Variants in C11orf65 observed in about 807,000 individuals in gnomAD.
C11orf65 encodes chromosome 11 open reading frame 65, also known as protein MFI.
A neutral mutation model predicts 35.3 loss-of-function variants in C11orf65; 38 were observed. The observed-to-expected ratio is 1.08, with a 90% CI of 0.83 to 1.41. The LOEUF (loss-of-function observed/expected upper bound fraction) is 1.41, where lower values mean the gene tolerates loss of function less well. Ranked by LOEUF, C11orf65 falls within the 40% of genes most tolerant of loss-of-function variation. C11orf65 has a pLI of 0.00. For synonymous variants in C11orf65, 105 were observed against 114.4 expected, an observed-to-expected ratio of 0.92 and a Z score of 0.53; for missense variants, 370 against 367.1, an observed-to-expected ratio of 1.01 and a Z score of -0.06.
At chr11:108,427,089 G>A (rs1318491213) in intron 3 of C11orf65, among the ~76,000 whole-genome samples, 1 of 152,078 alleles carries the variant, frequency 6.6e-6, no homozygotes, top group Admixed American at 6.6e-5. Context: ...AAAAATCCTA[G>A]AAGAAAACCT....
intron 2 of C11orf65, among the ~76,000 whole-genome samples, chr11:108,346,902 GACTTCTCATTTT>G (rs754726026): frequency 1.3e-5 from 2 of 152,054 alleles, no homozygotes; most frequent in Non-Finnish European, 2.9e-5. Context: ...TTTATCCATA[GACTTCTCATTTT>G]ATAAGTATGT....
At chr11:108,409,182 T>C (rs538346759) in intron 3 of C11orf65, among the ~76,000 whole-genome samples, 4 of 152,302 alleles carry the variant, frequency 2.6e-5, no homozygotes, top group South Asian at 2.1e-4. Flanking sequence ...CAGCAGTTAG[T>C]TCTTTTTCAC....
intron 2 of C11orf65, chr11:108,340,336 T>G (rs1394252229): frequency 2.0e-5 from 3 of 152,208 alleles, no homozygotes; most frequent in Non-Finnish European, 4.4e-5. Context: ...GTCATATCAT[T>G]TCATCTGTAA....
chr11:108,359,806 G>C (rs1275101540), intron 2 of C11orf65, among the ~76,000 whole-genome samples: 1 of 152,120 alleles, frequency 6.6e-6, no homozygotes, highest in Admixed American at 6.5e-5. Context: ...AGTGTGTAGA[G>C]GGAAATTTAT....
At position 108,316,068 on chromosome 11, in the gene C11orf65, C is replaced by T. The variant is rs876658452; in HGVS notation, c.641-6997G>A. 1.9e-5 allele frequency: 30 copies of T among 1,613,932 alleles called. No individual in the cohort carries two copies. The highest frequency in any genetic ancestry group is 2.4e-5 in the Non-Finnish European group (28 of 1,180,002). Reference sequence around the variant, plus strand: ...GCAAAGCCCTAGTAACATATGACCTCGAAACAGCAATCCCCTCATCAACAC... The same window carrying T: ...GCAAAGCCCTAGTAACATATGACCTTGAAACAGCAATCCCCTCATCAACAC... On this transcript the variant is annotated intron_variant, in intron 6 of 6. Coordinates refer to the C11orf65 transcript ENST00000525729.
At chr11:108,311,470 A>T (rs554289033) in intron 6 of C11orf65, among the ~76,000 whole-genome samples, 49 of 152,132 alleles carry the variant, frequency 3.2e-4, no homozygotes, top group Admixed American at 2.0e-3. Context: ...CCAAAGTGAG[A>T]GGATTACTTG....
intron 6 of C11orf65, among the ~76,000 whole-genome samples, chr11:108,324,548 T>C (rs529045795): frequency 2.0e-5 from 3 of 152,116 alleles, no homozygotes; most frequent in African/African-American, 4.8e-5. Flanking sequence ...TGAGACCTGC[T>C]GTGGTAGGGT....
At chr11:108,336,141 TAAAAA>T (rs374306537) in intron 2 of C11orf65, 3 of 441,042 alleles carry the variant, frequency 6.8e-6, no homozygotes, top group East Asian at 8.2e-5. Context: ...GACAAAAAGT[TAAAAA>T]AAAAAAAAAA....
intron 2 of C11orf65, chr11:108,347,160 TA>T: frequency 1.2e-6 from 1 of 834,566 alleles, no homozygotes; most frequent in Non-Finnish European, 2.0e-6. Context: ...TTAAGTAGGC[TA>T]AAAATCCTAA....
intron 6 of C11orf65, among the ~76,000 whole-genome samples, chr11:108,310,716 T>C (rs1382923918): frequency 6.6e-6 from 1 of 152,174 alleles, no homozygotes; most frequent in African/African-American, 2.4e-5. Flanking sequence ...AAGATTCATT[T>C]TGGATATAAA....
rs559579916 is a variant in C11orf65, at chr11:108,376,377, G to A, written c.226+16831C>T. Among the ~76,000 whole-genome samples the A allele has an allele frequency of 2.5e-3, 383 of 152,160 alleles. 2 individuals carry two copies. The highest frequency in any genetic ancestry group is 8.0e-3 in the African/African-American group (331 of 41,542). On this transcript the variant is annotated intron_variant, in intron 2 of 3. Transcript: ENST00000524755. ...GAAACTGAACAACCTGCTCCTGAAT[G>A]GGTACAGTACATAACGAAATGAAGG...
chr11:108,360,011 G>A (rs1301606349), intron 2 of C11orf65, among the ~76,000 whole-genome samples: 1 of 151,794 alleles, frequency 6.6e-6, no homozygotes, highest in South Asian at 2.1e-4. Flanking sequence ...TCCAGGAGCT[G>A]GTTTTTTGAA....
At chr11:108,324,514 T>G (rs1270555324) in intron 6 of C11orf65, among the ~76,000 whole-genome samples, 1 of 152,160 alleles carries the variant, frequency 6.6e-6, no homozygotes, top group East Asian at 1.9e-4. Flanking sequence ...TTTGTTTGAT[T>G]GTAAAGGAGT....
At chr11:108,381,435 A>G (rs2091863039), downstream of C11orf65, among the ~76,000 whole-genome samples, 1 of 152,216 alleles carries the variant, frequency 6.6e-6, no homozygotes, top group African/African-American at 2.4e-5. Flanking sequence ...TCATGCTGGT[A>G]GATAAATATC....
chr11:108,397,870 C>T (rs1315841766), intron 6 of C11orf65, among the ~76,000 whole-genome samples: 3 of 152,176 alleles, frequency 2.0e-5, no homozygotes, highest in Non-Finnish European at 4.4e-5. Context: ...AGAGTCTCTG[C>T]TCTGTAGGGA....
chr11:108,390,086 C>T (rs566334203), intron 7 of C11orf65, among the ~76,000 whole-genome samples: 14 of 151,978 alleles, frequency 9.2e-5, no homozygotes, highest in Admixed American at 5.9e-4. Flanking sequence ...TGCAGTGGCG[C>T]GATGTCAGCT....
Position 108,452,463 on chromosome 11 carries a change from C to T in C11orf65, c.81+9016G>A, listed in dbSNP as rs1317699889. On this transcript the variant is annotated intron_variant, in intron 2 of 8. Transcript: ENST00000393084. ...AACCACAATGAGATACCATCTCACA[C>T]CAGTAAGAATGGGAATCACTAAAAA... Among the ~76,000 whole-genome samples the T allele has an allele frequency of 3.9e-5, 6 of 152,270 alleles. No homozygotes were observed. In the East Asian group the frequency reaches 1.2e-3, roughly 29 times the overall value.
chr11:108,361,418 G>A (rs1349995597), intron 2 of C11orf65, among the ~76,000 whole-genome samples: 4 of 151,788 alleles, frequency 2.6e-5, no homozygotes, highest in Admixed American at 6.6e-5. Flanking sequence ...AGCTACCAAT[G>A]ACTTTCTTTA....
At chr11:108,363,830 T>TAATTTAG (rs2091057459) in intron 2 of C11orf65, among the ~76,000 whole-genome samples, 1 of 152,176 alleles carries the variant, frequency 6.6e-6, no homozygotes, top group Non-Finnish European at 1.5e-5. Context: ...GGTTTTGAAG[T>TAATTTAG]AATTTAGATT....
Sources: gnomAD v4.1 joint callset for allele counts (sites outside exome capture counted in the v4.1 genomes callset) on GRCh38, gnomAD v4.1.1 for gene constraint, MANE v1.5 for transcripts, NCBI Gene and HGNC (gene_info 2026-07-23, HGNC 2026-07-21) for gene names.